The following AVEN variants were observed in gnomAD, a reference collection of about 807,000 sequenced individuals.
AVEN encodes the protein cell death regulator Aven.
In AVEN, 41 loss-of-function variants were observed where a neutral mutation model predicts 38.1. That is an observed-to-expected ratio of 1.08 (90% CI 0.84 to 1.40). The LOEUF (loss-of-function observed/expected upper bound fraction) is 1.40, where lower values mean the gene tolerates loss of function less well. Ranked by LOEUF, AVEN falls within the 40% of genes most tolerant of loss-of-function variation. The pLI is 0.00. For synonymous variants in AVEN, 206 were observed against 171.8 expected, an observed-to-expected ratio of 1.20 and a Z score of -1.56; for missense variants, 605 against 438.8, an observed-to-expected ratio of 1.38 and a Z score of -3.38.
intron 5 of AVEN, chr15:34,062,844 A>T (rs1254247744): frequency 1.2e-6 from 2 of 1,614,228 alleles, no homozygotes; most frequent in South Asian, 1.1e-5. Flanking sequence ...GGTAAGCCTG[A>T]TCACCATTGT....
intron 2 of AVEN, among the ~76,000 whole-genome samples, chr15:33,936,006 A>C (rs993939228): frequency 6.6e-6 from 1 of 152,196 alleles, no homozygotes; most frequent in Non-Finnish European, 1.5e-5. Context: ...CAATCATAAA[A>C]TGAATCGATT....
At chr15:34,001,123 C>T (rs1897122917) in intron 2 of AVEN, among the ~76,000 whole-genome samples, 1 of 150,748 alleles carries the variant, frequency 6.6e-6, no homozygotes, top group Admixed American at 6.6e-5. Context: ...CAGGCTGAAG[C>T]AATTCTCCTG....
downstream of AVEN, among the ~76,000 whole-genome samples, chr15:33,855,602 TTC>T: frequency 1.8e-3 from 1 of 566 alleles, no homozygotes; most frequent in East Asian, 0.25. Flanking sequence ...CCCCAGGTAT[TTC>T]TGATATCTGC....
At chr15:33,885,793 G>A (rs1891675746) in intron 2 of AVEN, 1 of 152,230 alleles carries the variant, frequency 6.6e-6, no homozygotes, top group Admixed American at 6.5e-5. Flanking sequence ...TAGGCTTTAT[G>A]AGAAAAGGAT....
intron 2 of AVEN, among the ~76,000 whole-genome samples, chr15:33,891,529 C>T (rs893890596): frequency 1.3e-5 from 2 of 152,120 alleles, no homozygotes; most frequent in Non-Finnish European, 2.9e-5. Context: ...TGGTTTCCAG[C>T]TTCATTCATG....
chr15:33,859,612 G>C, intron 11 of AVEN: 1 of 1,614,054 alleles, frequency 6.2e-7, no homozygotes, highest in Non-Finnish European at 8.5e-7. Flanking sequence ...GTGAGAGCAG[G>C]AGGTGGCATT....
At chr15:34,017,501 G>A (rs1393303436) in intron 1 of AVEN, among the ~76,000 whole-genome samples, 1 of 25,122 alleles carries the variant, frequency 4.0e-5, no homozygotes, top group Non-Finnish European at 9.6e-5. Context: ...TTTTTTTTTT[G>A]AGACAGGGTC....
intron 2 of AVEN, among the ~76,000 whole-genome samples, chr15:33,946,442 C>A (rs1226743329): frequency 6.6e-6 from 1 of 152,182 alleles, no homozygotes; most frequent in East Asian, 1.9e-4. Context: ...ATGCATTCAA[C>A]TGATAATCGG....
intron 2 of AVEN, among the ~76,000 whole-genome samples, chr15:33,976,609 T>G (rs978096575): frequency 2.6e-5 from 4 of 152,184 alleles, no homozygotes; most frequent in Non-Finnish European, 5.9e-5. Flanking sequence ...ATATCTTTAT[T>G]TAGGCTTTTT....
intron 2 of AVEN, among the ~76,000 whole-genome samples, chr15:33,899,237 T>G (rs1892378484): frequency 6.6e-6 from 1 of 152,090 alleles, no homozygotes. Context: ...CAAGTGCAGT[T>G]CTTTGAACTT....
chr15:33,862,731 C>G (rs538921400), downstream of AVEN, among the ~76,000 whole-genome samples: 1 of 152,226 alleles, frequency 6.6e-6, no homozygotes, highest in Admixed American at 6.5e-5. Context: ...CTGCCTCAGC[C>G]TCCTGAGTAG....
chr15:33,861,295 C>G (rs1209473701), downstream of AVEN: 1 of 664,096 alleles, frequency 1.5e-6, no homozygotes, highest in African/African-American at 1.8e-5. Context: ...TCCAGGAGTC[C>G]CCATGAGCCT....
At position 33,866,561 on chromosome 15, in the gene AVEN, C is replaced by T; in HGVS notation, c.*52G>A. 3 of 1,400,978 alleles carry T rather than the reference C, an allele frequency of 2.1e-6. No individual in the cohort carries two copies. The South Asian group carries it at 3.5e-5, about 16-fold the overall frequency. 86.8% of individuals were successfully genotyped at this position (1,400,978 alleles called of 1,614,324 possible). ...GTCCTGAAGGACAGCCTTATGCCCA[C>T]CTGCCGTTAGAAGGCAACCAAGATT... On this transcript the variant is annotated 3_prime_UTR_variant, in exon 6 of 6. Transcript: ENST00000306730.
chr15:33,871,978 G>C (rs1345928313), intron 3 of AVEN, among the ~76,000 whole-genome samples: 1 of 152,166 alleles, frequency 6.6e-6, no homozygotes, highest in Non-Finnish European at 1.5e-5. Context: ...AAAGTATTCG[G>C]TGCATTATTT....
chr15:33,927,837 T>G (rs1893683159), intron 2 of AVEN, among the ~76,000 whole-genome samples: 1 of 152,074 alleles, frequency 6.6e-6, no homozygotes, highest in African/African-American at 2.4e-5. Context: ...AGGGTCTAGA[T>G]AAGGGGAAAT....
chr15:34,001,871 A>G (rs1231507646), intron 2 of AVEN, among the ~76,000 whole-genome samples: 1 of 152,244 alleles, frequency 6.6e-6, no homozygotes, highest in African/African-American at 2.4e-5. Context: ...AGGTAGAACT[A>G]AACAGCAACA....
chr15:33,986,023 A>G lies in AVEN; in HGVS notation c.445+17009T>C, dbSNP rs114926263. Among the ~76,000 whole-genome samples the G allele has an allele frequency of 4.0e-3, 610 of 152,282 alleles. 3 individuals are homozygous for G. The highest frequency in any genetic ancestry group is 0.013 in the African/African-American group (557 of 41,568). On this transcript the variant is annotated intron_variant, in intron 2 of 5. Transcript: ENST00000306730. ...GCAGAAATTCATGATGGCATAACAA[A>G]TTTAGGATTCTATTAAGTTGATTTT... is the stretch of plus-strand genomic sequence containing the variant.
rs146073787 is a variant in AVEN at position 33,867,648 on chromosome 15, G to C, written c.820C>G (p.Pro274Ala). 107 of 1,614,180 alleles carry C rather than the reference G, an allele frequency of 6.6e-5. No individual in the cohort carries two copies. In the African/African-American group the frequency reaches 9.9e-4, roughly 15 times the overall value. The change falls in exon 5 of 6, where the codon CCA becomes GCA. Residue 274 changes from proline (P) to alanine (A), a missense_variant. By Grantham distance (27) the Pro-to-Ala change is conservative. Coordinates refer to ENST00000306730, the MANE Select transcript of AVEN (RefSeq NM_020371.3). ...AAATGGTCTCCTGCTGACTGCAGTGGGGAAGTGGGTTTCTGAGAATCCCTT... is the reference window on the plus strand; with the variant it reads ...AAATGGTCTCCTGCTGACTGCAGTGCGGAAGTGGGTTTCTGAGAATCCCTT... ...PSRDSQKPTS[P>A]LQSAGDHLEE...
chr15:34,063,988 A>G lies in AVEN; in HGVS notation n.1127-556T>C. On this transcript the variant is annotated intron_variant and non_coding_transcript_variant, in intron 4 of 11. Transcript: ENST00000675287. The surrounding 1 kb of genome is among the most constrained non-coding windows in gnomAD (Gnocchi z 4.1). ...AAAGGCCTCAATCCCAACCCCAGCC[A>G]TCAAATGACCAAACGAAAGAGAGTG... The G allele has an allele frequency of 1.2e-6, 2 of 1,614,186 alleles. No individual in the cohort carries two copies. Among genetic ancestry groups the G allele is most frequent in the Non-Finnish European group, 1.7e-6 (2 of 1,180,016 alleles).
Sources: allele counts gnomAD v4.1 joint callset (sites outside exome capture counted in the v4.1 genomes callset), GRCh38; gene constraint gnomAD v4.1.1; non-coding constraint Gnocchi (gnomAD v3.1); transcripts MANE v1.5; gene names NCBI Gene and HGNC (gene_info 2026-07-23, HGNC 2026-07-21).